The following HDAC8 variants were observed in gnomAD, a reference collection of about 807,000 sequenced individuals.
The protein encoded by HDAC8 is histone deacetylase-like 1.
Under a neutral mutation model 32.2 loss-of-function variants are expected in HDAC8, and 1 was observed. That is an observed-to-expected ratio of 0.03 (90% CI 0.01 to 0.15). The LOEUF (loss-of-function observed/expected upper bound fraction) is 0.15. HDAC8 is among the 10% of genes least tolerant of loss of function. HDAC8 has a pLI of 1.00. For synonymous variants in HDAC8, 108 were observed against 113.9 expected (o/e 0.95, Z 0.33); for missense variants, 117 against 300.0 (o/e 0.39, Z 4.51).
intron 4 of HDAC8, among the ~76,000 whole-genome samples, chrX:72,567,334 C>T (rs190151828): frequency 6.2e-4 from 69 of 111,573 alleles, no homozygotes; most frequent in African/African-American, 2.2e-3. Flanking sequence ...AACCTATTAG[C>T]GTCAATTTTC....
chrX:72,503,596 AC>A (rs1191166853), intron 4 of HDAC8, among the ~76,000 whole-genome samples: 1 of 111,374 alleles, frequency 9.0e-6, no homozygotes, highest in Admixed American at 9.6e-5. Flanking sequence ...GATATCTTAT[AC>A]CCCTGAGTTC....
intron 10 of HDAC8, among the ~76,000 whole-genome samples, chrX:72,339,009 G>A (rs782773503): frequency 2.7e-5 from 3 of 111,097 alleles, no homozygotes; most frequent in Middle Eastern, 4.6e-3. Flanking sequence ...TAAAGCATAC[G>A]TTAAAATAAA....
At chrX:72,486,523 T>A (rs1159651343) in intron 7 of HDAC8, among the ~76,000 whole-genome samples, 2 of 111,866 alleles carry the variant, frequency 1.8e-5, no homozygotes, top group Non-Finnish European at 3.8e-5. Flanking sequence ...TTCTTTTTTT[T>A]AAATTAGCCA....
intron 10 of HDAC8, among the ~76,000 whole-genome samples, chrX:72,344,146 C>T (rs2043962706): frequency 1.8e-5 from 2 of 111,881 alleles, no homozygotes; most frequent in Admixed American, 1.9e-4. Flanking sequence ...GAGTAGGGAA[C>T]CTAGACTTTT....
chrX:72,437,327 A>C (rs2046980537), intron 9 of HDAC8, among the ~76,000 whole-genome samples: 1 of 112,003 alleles, frequency 8.9e-6, no homozygotes, highest in Admixed American at 9.4e-5. Context: ...CACTTTTCCC[A>C]TGGACTTCAC....
chrX:72,453,445 A>G (rs901092535), intron 9 of HDAC8, among the ~76,000 whole-genome samples: 1 of 101,848 alleles, frequency 9.8e-6, no homozygotes, highest in East Asian at 3.0e-4. Context: ...TGACGGAGTA[A>G]GACTCTGTCT....
chrX:72,441,041 C>A (rs1199428523), intron 9 of HDAC8, among the ~76,000 whole-genome samples: 3 of 113,201 alleles, frequency 2.7e-5, no homozygotes, highest in African/African-American at 9.6e-5. Flanking sequence ...GAAGCTCGAA[C>A]TGGGTGGAGC....
intron 7 of HDAC8, among the ~76,000 whole-genome samples, chrX:72,486,012 C>A (rs2048661844): frequency 9.0e-6 from 1 of 110,858 alleles, no homozygotes; most frequent in South Asian, 3.9e-4. Flanking sequence ...GTCCCAGCTA[C>A]TGGGGAGGCT....
chrX:72,382,430 T>C (rs1471952369), intron 9 of HDAC8, among the ~76,000 whole-genome samples: 1 of 112,237 alleles, frequency 8.9e-6, no homozygotes, highest in Non-Finnish European at 1.9e-5. Flanking sequence ...TGTAATCTCA[T>C]TCACTCTAGG....
chrX:72,486,835 T>C (rs1293241057), intron 7 of HDAC8, among the ~76,000 whole-genome samples: 1 of 112,127 alleles, frequency 8.9e-6, no homozygotes, highest in Non-Finnish European at 1.9e-5. Context: ...ATCCAACAGA[T>C]AGGAGAGATG....
chrX:72,417,037 T>C (rs1020658241), intron 9 of HDAC8, among the ~76,000 whole-genome samples: 4 of 111,426 alleles, frequency 3.6e-5, no homozygotes, highest in Admixed American at 9.6e-5. Flanking sequence ...TCTACTACTG[T>C]GACCATTTTA....
At chrX:72,453,176 G>T (rs953579420) in intron 9 of HDAC8, among the ~76,000 whole-genome samples, 3 of 109,380 alleles carry the variant, frequency 2.7e-5, no homozygotes, top group Non-Finnish European at 5.7e-5. Flanking sequence ...GCCGGGCATG[G>T]TGGCTCATGC....
intron 9 of HDAC8, among the ~76,000 whole-genome samples, chrX:72,422,166 GTTCA>G (rs1441093871): frequency 9.0e-6 from 1 of 111,051 alleles, no homozygotes; most frequent in African/African-American, 3.3e-5. Flanking sequence ...TCTACTTGGA[GTTCA>G]TTAAGCCTCT....
chrX:72,480,381 C>G, intron 7 of HDAC8: 2 of 330,519 alleles, frequency 6.1e-6, no homozygotes, highest in Admixed American at 6.2e-5. Context: ...TTAGCTTGTG[C>G]TCATGCTGCT....
At chrX:72,402,123 G>T (rs1197268967) in intron 9 of HDAC8, among the ~76,000 whole-genome samples, 1 of 110,976 alleles carries the variant, frequency 9.0e-6, no homozygotes, top group Non-Finnish European at 1.9e-5. Flanking sequence ...CATTTCATGC[G>T]GGTAGTGTAA....
chrX:72,376,993 T>C (rs2045100937), intron 9 of HDAC8: 1 of 110,272 alleles, frequency 9.1e-6, no homozygotes, highest in Non-Finnish European at 1.9e-5. Context: ...GGTGCACCAT[T>C]TCTGGAGGTA....
intron 4 of HDAC8, among the ~76,000 whole-genome samples, chrX:72,551,079 G>GCGCACA (rs781798714): frequency 1.6e-4 from 15 of 96,432 alleles, no homozygotes; most frequent in Admixed American, 4.5e-4. Context: ...TGAAGTCAGC[G>GCGCACA]CACACACACA....
At chrX:72,364,549 CT>C (rs782132603) in intron 9 of HDAC8, among the ~76,000 whole-genome samples, 73 of 111,820 alleles carry the variant, frequency 6.5e-4, no homozygotes, top group African/African-American at 2.0e-3. Flanking sequence ...TGCTCATCAT[CT>C]TTTTTTTGTT....
intron 9 of HDAC8, among the ~76,000 whole-genome samples, chrX:72,421,149 G>T (rs1801579954): frequency 1.8e-5 from 2 of 110,346 alleles, no homozygotes; most frequent in African/African-American, 6.6e-5. Context: ...GGTTACCATG[G>T]GATTACAATC....
Sources: allele counts gnomAD v4.1 joint callset (sites outside exome capture counted in the v4.1 genomes callset), GRCh38; gene constraint gnomAD v4.1.1; transcripts MANE v1.5; gene names NCBI Gene and HGNC (gene_info 2026-07-23, HGNC 2026-07-21).